The following RTP3 variants were observed in gnomAD, a reference collection of about 807,000 sequenced individuals.
RTP3 encodes receptor transporter protein 3.
In RTP3, 2 loss-of-function variants were observed where a neutral mutation model predicts 6.2. The observed-to-expected ratio is 0.32, with a 90% CI of 0.13 to 1.02. RTP3 has a LOEUF of 1.02. RTP3 is among the 50% of genes least tolerant of loss of function. The pLI, the probability that RTP3 is intolerant of heterozygous loss-of-function variation, is 0.47. For synonymous variants in RTP3, 106 were observed against 98.3 expected (o/e 1.08, Z -0.47); for missense variants, 252 against 280.8 (o/e 0.90, Z 0.73).
rs1232291965 is a variant in RTP3, at chr3:46,500,745, T to C, written c.545T>C (p.Ile182Thr). Residue 182 changes from isoleucine (I) to threonine (T), a missense_variant, in exon 2 of 2, where the codon ATT becomes ACT. Transcript: ENST00000296142. ...PPSQTPRVHSIYKVEEVVKPW... is the reference protein window; with the variant it reads ...PPSQTPRVHSTYKVEEVVKPW... ...TCTCAGACCCCAAGAGTACACTCCA[T>C]TTACAAGGTGGAGGAGGTAGTTAAG... is the stretch of plus-strand genomic sequence containing the variant. 2 of 1,614,134 alleles carry C rather than the reference T, an allele frequency of 1.2e-6. No homozygotes were observed. Among genetic ancestry groups the C allele is most frequent in the Non-Finnish European group, 1.7e-6 (2 of 1,180,008 alleles).
intron 1 of RTP3, among the ~76,000 whole-genome samples, chr3:46,499,848 A>G (rs1703686901): frequency 1.3e-5 from 2 of 151,938 alleles, no homozygotes; most frequent in South Asian, 4.2e-4. Context: ...TGGACACTTC[A>G]GGCTCCCACC....
chr3:46,498,242 G>A (rs373854659), intron 1 of RTP3, 25 bp downstream of exon 1: 103 of 1,613,142 alleles, frequency 6.4e-5, no homozygotes, highest in Non-Finnish European at 8.2e-5. Flanking sequence ...GATGGTACAC[G>A]TTCCAGAAAA....
At chr3:46,498,613 C>A (rs1481127722) in intron 1 of RTP3, among the ~76,000 whole-genome samples, 2 of 152,206 alleles carry the variant, frequency 1.3e-5, no homozygotes, top group African/African-American at 4.8e-5. Context: ...TGAGCAGACA[C>A]CCTCGGGGGA....
At chr3:46,499,948 T>G (rs1355191996) in intron 1 of RTP3, among the ~76,000 whole-genome samples, 1 of 152,164 alleles carries the variant, frequency 6.6e-6, no homozygotes, top group African/African-American at 2.4e-5. Context: ...GCTGTTGCAG[T>G]TGTGGCCTCT....
At chr3:46,499,884 T>A (rs1408512270) in intron 1 of RTP3, among the ~76,000 whole-genome samples, 1 of 152,144 alleles carries the variant, frequency 6.6e-6, no homozygotes, top group East Asian at 1.9e-4. Context: ...TATAACTTAA[T>A]CAACACCCAC....
intron 1 of RTP3, among the ~76,000 whole-genome samples, chr3:46,499,181 C>A (rs1454510266): frequency 6.6e-6 from 1 of 152,236 alleles, no homozygotes; most frequent in African/African-American, 2.4e-5. Flanking sequence ...GACTAACTCC[C>A]TCTTCCCAGC....
chr3:46,499,868 T>G (rs529737819), intron 1 of RTP3, among the ~76,000 whole-genome samples: 2 of 152,104 alleles, frequency 1.3e-5, no homozygotes, highest in African/African-American at 4.8e-5. Context: ...CGCCAACCCA[T>G]GAGTCTATAA....
chr3:46,498,350 A>G, intron 1 of RTP3, 133 bp downstream of exon 1: 1 of 996,840 alleles, frequency 1.0e-6, no homozygotes, highest in East Asian at 2.5e-5. Context: ...CCATCATCCA[A>G]GAAGTTGTAA....
At chr3:46,500,246 GC>G in intron 1 of RTP3, 109 bp from the exon 2 acceptor site, 1 of 1,230,742 alleles carries the variant, frequency 8.1e-7, no homozygotes, top group Non-Finnish European at 1.1e-6. Context: ...CTGAGCCACA[GC>G]CCCAGTCAAG....
At chr3:46,499,255 G>A (rs149114369) in intron 1 of RTP3, among the ~76,000 whole-genome samples, 38 of 152,352 alleles carry the variant, frequency 2.5e-4, no homozygotes, top group African/African-American at 8.4e-4. Flanking sequence ...CTCAGCCACA[G>A]TGACAAATAA....
chr3:46,498,786 C>T (rs1703675368), intron 1 of RTP3, among the ~76,000 whole-genome samples: 1 of 152,208 alleles, frequency 6.6e-6, no homozygotes, highest in Admixed American at 6.5e-5. Context: ...GCTGATTGCC[C>T]ACAGTGCACA....
At chr3:46,498,806 G>A (rs1314673772) in intron 1 of RTP3, among the ~76,000 whole-genome samples, 2 of 152,226 alleles carry the variant, frequency 1.3e-5, no homozygotes, top group African/African-American at 2.4e-5. Context: ...AGAGGGTGGA[G>A]GCCGGGTCCC....
chr3:46,500,654 G>C lies in RTP3; in HGVS notation c.454G>C (p.Asp152His). The part of the protein sequence containing the change: ...DISLEGPHNS[D>H]NCEACLQGFC... The stretch of plus-strand genomic sequence containing the variant: ...CTCTCTTGAAGGGCCACACAATAGT[G>C]ACAACTGTGAGGCATGTCTGCAGGG... Residue 152 changes from aspartate (D) to histidine (H), a missense_variant, in exon 2 of 2, where the codon GAC becomes CAC. Physicochemically the swap from Asp to His is moderately conservative, Grantham distance 81. Coordinates refer to ENST00000296142, the MANE Select transcript of RTP3 (RefSeq NM_031440.2). 1 of 1,614,058 alleles carries C rather than the reference G, an allele frequency of 6.2e-7. No individual in the cohort carries two copies. The highest frequency in any genetic ancestry group is 8.5e-7 in the Non-Finnish European group (1 of 1,179,958).
In RTP3 at chr3:46,500,488, C is replaced by T; in HGVS notation, c.288C>T (p.Cys96=). ...TGTTTACCCAGAGATGTAAGAAGTG[C>T]CCCCAACCTCTGTTTGAGGACCCTG... is the stretch of plus-strand genomic sequence containing the variant. ...MRVFTQRCKK[C]PQPLFEDPEF... is the part of the protein sequence containing the mutation. The change falls in exon 2 of 2, where the codon TGC becomes TGT. Residue 96 remains cysteine (C), a synonymous_variant. Coordinates refer to ENST00000296142, the MANE Select transcript of RTP3 (RefSeq NM_031440.2). The T allele has an allele frequency of 6.2e-7, 1 of 1,614,096 alleles. No individual in the cohort carries two copies. Among genetic ancestry groups the T allele is most frequent in the Non-Finnish European group, 8.5e-7 (1 of 1,179,934 alleles).
chr3:46,498,595 C>T (rs1348026553), intron 1 of RTP3, among the ~76,000 whole-genome samples: 1 of 152,166 alleles, frequency 6.6e-6, no homozygotes, highest in African/African-American at 2.4e-5. Flanking sequence ...AGGAGAGACT[C>T]ACGGCACTGA....
chr3:46,500,419 G>A lies in RTP3; in HGVS notation c.219G>A (p.Met73Ile), dbSNP rs761209796. 2.5e-6 allele frequency: 4 copies of A among 1,614,128 alleles called. No individual in the cohort carries two copies. Among genetic ancestry groups the A allele is most frequent in the Non-Finnish European group, 2.5e-6 (3 of 1,180,032 alleles). ...ASAQVLVLFH[M>I]NWSEEKSRGQ... is the part of the protein sequence containing the mutation. ...CCCAAGTTCTGGTCCTTTTCCACAT[G>A]AACTGGAGTGAGGAGAAGTCCAGGG... Residue 73 changes from methionine to isoleucine, a missense_variant, in exon 2 of 2, where the codon ATG (methionine) becomes ATA (isoleucine). Coordinates refer to ENST00000296142, the MANE Select transcript of RTP3 (RefSeq NM_031440.2).
At chr3:46,498,357 G>A (rs1455865842) in intron 1 of RTP3, 140 bp downstream of exon 1, 2 of 955,050 alleles carry the variant, frequency 2.1e-6, no homozygotes, top group South Asian at 1.6e-5. Context: ...CCAAGAAGTT[G>A]TAACTTCATT....
chr3:46,498,326 G>T, intron 1 of RTP3, 109 bp downstream of exon 1: 1 of 1,229,354 alleles, frequency 8.1e-7, no homozygotes, highest in East Asian at 2.4e-5. Context: ...TGAAGACTAT[G>T]GGTAATAAGA....
At position 46,500,408 on chromosome 3, in the gene RTP3, C is replaced by T. The variant is rs1703692748; in HGVS notation, c.208C>T (p.Leu70Phe). ...CTGGGCCTCTGCCCAAGTTCTGGTC[C>T]TTTTCCACATGAACTGGAGTGAGGA... ...RNWASAQVLV[L>F]FHMNWSEEKS... The change falls in exon 2 of 2, where the codon CTT (leucine) becomes TTT (phenylalanine). Residue 70 changes from leucine to phenylalanine, a missense_variant. Physicochemically the swap from Leu to Phe is conservative, Grantham distance 22 (BLOSUM62 0). Coordinates refer to ENST00000296142, the MANE Select transcript of RTP3 (RefSeq NM_031440.2). 9 of 1,614,018 alleles carry T rather than the reference C, an allele frequency of 5.6e-6. No individual in the cohort carries two copies. Among genetic ancestry groups the T allele is most frequent in the Non-Finnish European group, 7.6e-6 (9 of 1,179,994 alleles).
Sources: gnomAD v4.1 joint callset for allele counts (sites outside exome capture counted in the v4.1 genomes callset) on GRCh38, gnomAD v4.1.1 for gene constraint, MANE v1.5 for transcripts, NCBI Gene and HGNC (gene_info 2026-07-23, HGNC 2026-07-21) for gene names.